PYGL: variants seen among roughly 807,000 people sequenced by gnomAD.
PYGL encodes the protein glycogen phosphorylase L.
PYGL carries 90 observed loss-of-function variants against 100.1 expected under a neutral mutation model. The observed-to-expected ratio is 0.90, with a 90% CI of 0.76 to 1.07. The LOEUF (loss-of-function observed/expected upper bound fraction) is 1.07. PYGL is among the 50% of genes least tolerant of loss of function. The probability of loss-of-function intolerance (pLI) is 0.00; values close to 1 mark genes in which losing one functional copy is unlikely to be tolerated. For synonymous variants in PYGL, 373 were observed against 393.0 expected (o/e 0.95, Z 0.60); for missense variants, 1,016 against 1,057.6 (o/e 0.96, Z 0.55).
chr14:50,919,611 A>G (rs995779983), intron 7 of PYGL, among the ~76,000 whole-genome samples: 4 of 152,174 alleles, frequency 2.6e-5, no homozygotes, highest in South Asian at 2.1e-4. Context: ...TTAGAGTTAC[A>G]TATATTTAAA....
Position 50,905,325 on chromosome 14 carries a change from C to T in PYGL, c.*67G>A. 6.7e-7 allele frequency: 1 copy of T among 1,495,312 alleles called. No homozygotes were observed. The highest frequency in any genetic ancestry group is 1.8e-4 in the Middle Eastern group (1 of 5,664). The allele number at this position is 1,495,312 out of a possible 1,614,324, so 92.6% of individuals were successfully genotyped here. A position where few individuals can be genotyped will look rare whatever the true frequency, so the allele number is the denominator to read the frequency against. ...AGATTATTAGCTAACAAAACAAAAA[C>T]CAGTGAATGTTGTAAAAATGTTCAA... On this transcript the variant is annotated 3_prime_UTR_variant, in exon 20 of 20. Coordinates refer to ENST00000216392, the MANE Select transcript of PYGL (RefSeq NM_002863.5).
intron 12 of PYGL, 111 bp from the exon 13 acceptor site, chr14:50,913,241 T>G (rs563546323): frequency 1.2e-6 from 1 of 841,330 alleles, no homozygotes; most frequent in South Asian, 1.4e-5. Context: ...AGTTCACGTA[T>G]CACACAGAAC....
Position 50,916,985 on chromosome 14 carries a change from C to G in PYGL, c.976G>C (p.Val326Leu). Residue 326 changes from valine (V) to leucine (L), a missense_variant, in exon 8 of 20, where the codon GTG (valine) becomes CTG (leucine). Transcript: ENST00000216392. ...GCCTGATCCGGGAAGGCATCAAACA[C>G]AGTTCCTGCACCACGGGTGGAGCCA... Reference protein sequence around the residue: ...KFGSTRGAGTVFDAFPDQVAI... With the variant: ...KFGSTRGAGTLFDAFPDQVAI... 1 of 1,614,252 alleles carries G rather than the reference C, an allele frequency of 6.2e-7. No homozygotes were observed. Among genetic ancestry groups the G allele is most frequent in the Non-Finnish European group, 8.5e-7 (1 of 1,180,032 alleles).
At chr14:50,936,975 T>A (rs1399964774) in intron 2 of PYGL, among the ~76,000 whole-genome samples, 1 of 152,082 alleles carries the variant, frequency 6.6e-6, no homozygotes, top group Non-Finnish European at 1.5e-5. Flanking sequence ...CTAACCCACA[T>A]GTATGTGAGT....
At chr14:50,935,240 AG>A in intron 2 of PYGL, 55 bp from the exon 3 acceptor site, 1 of 1,388,690 alleles carries the variant, frequency 7.2e-7, no homozygotes. Flanking sequence ...GGCCATTCAG[AG>A]GGACAGCCAT....
At position 50,944,386 on chromosome 14, in the gene PYGL, C is replaced by A. The variant is rs1042191; in HGVS notation, c.18G>T (p.Thr6=). 3 of 1,612,418 alleles carry A rather than the reference C, an allele frequency of 1.9e-6. No individual in the cohort carries two copies. The highest frequency in any genetic ancestry group is 2.5e-6 in the Non-Finnish European group (3 of 1,179,498). MAKPL[T]DQEKRRQISI... ...TGATCTGCCGCCGCTTCTCCTGGTC[C>A]GTCAGGGGCTTCGCCATGGCTGGGG... The change falls in exon 1 of 20, where the codon ACG becomes ACT. Residue 6 remains threonine (T), a synonymous_variant. Coordinates refer to ENST00000216392, the MANE Select transcript of PYGL (RefSeq NM_002863.5).
chr14:50,906,288 C>A (rs2050335904), intron 19 of PYGL, among the ~76,000 whole-genome samples: 1 of 152,098 alleles, frequency 6.6e-6, no homozygotes, highest in South Asian at 2.1e-4. Context: ...GTTATCAATG[C>A]ATTATAAATG....
At chr14:50,922,002 T>C (rs1000628784) in intron 5 of PYGL, among the ~76,000 whole-genome samples, 2 of 152,166 alleles carry the variant, frequency 1.3e-5, no homozygotes, top group South Asian at 4.1e-4. Context: ...GAGGTAAGCT[T>C]TGGAAAATCT....
At chr14:50,923,156 A>T (rs1338585857) in intron 5 of PYGL, 1 of 152,254 alleles carries the variant, frequency 6.6e-6, no homozygotes, top group African/African-American at 2.4e-5. Context: ...CTCTAATTGA[A>T]TTTCTGGATA....
At chr14:50,910,633 T>C (rs1015738006) in intron 16 of PYGL, among the ~76,000 whole-genome samples, 1 of 152,086 alleles carries the variant, frequency 6.6e-6, no homozygotes, top group Non-Finnish European at 1.5e-5. Flanking sequence ...TTTTTTAAAA[T>C]TTTTGTATGT....
At chr14:50,922,493 T>G (rs1214669820) in intron 5 of PYGL, among the ~76,000 whole-genome samples, 1 of 152,218 alleles carries the variant, frequency 6.6e-6, no homozygotes, top group African/African-American at 2.4e-5. Flanking sequence ...AGGCTGGGAT[T>G]GAGTCTCGGT....
intron 14 of PYGL, 21 bp from the exon 15 acceptor site, chr14:50,912,057 G>T: frequency 2.5e-6 from 4 of 1,613,494 alleles, no homozygotes; most frequent in Non-Finnish European, 3.4e-6. Context: ...TGGAGAAGTG[G>T]ATGAAATGGA....
At chr14:50,940,929 A>T (rs1383553255) in intron 1 of PYGL, among the ~76,000 whole-genome samples, 1 of 152,222 alleles carries the variant, frequency 6.6e-6, no homozygotes, top group African/African-American at 2.4e-5. Context: ...TTGAGCATAG[A>T]AATGTGGTAG....
chr14:50,923,225 A>C (rs1451831173), intron 5 of PYGL: 2 of 152,228 alleles, frequency 1.3e-5, no homozygotes, highest in Non-Finnish European at 2.9e-5. Flanking sequence ...AGTGGGACCC[A>C]CAGTGTAAAT....
chr14:50,927,826 TA>T (rs2050566324), intron 4 of PYGL, among the ~76,000 whole-genome samples: 1 of 152,226 alleles, frequency 6.6e-6, no homozygotes, highest in South Asian at 2.1e-4. Flanking sequence ...CTGCCTCCAC[TA>T]AATCTACAGA....
At chr14:50,926,300 G>A (rs1356328476) in intron 4 of PYGL, among the ~76,000 whole-genome samples, 1 of 152,066 alleles carries the variant, frequency 6.6e-6, no homozygotes, top group African/African-American at 2.4e-5. Flanking sequence ...ACAGTGAGCT[G>A]TGATCATGCC....
chr14:50,942,038 C>G (rs533954683), intron 1 of PYGL, among the ~76,000 whole-genome samples: 1 of 152,126 alleles, frequency 6.6e-6, no homozygotes, highest in East Asian at 1.9e-4. Flanking sequence ...GACTAGGGAT[C>G]CATATTTGGG....
rs548723176 is a variant in PYGL, at chr14:50,911,473, T to A, written c.1969+257A>T. Among the ~76,000 whole-genome samples, 3 of 152,258 alleles carry A rather than the reference T, an allele frequency of 2.0e-5. No homozygotes were observed. The South Asian group carries it at 6.2e-4, about 32-fold the overall frequency. On this transcript the variant is annotated intron_variant, in intron 16 of 19. Coordinates refer to ENST00000216392, the MANE Select transcript of PYGL (RefSeq NM_002863.5). ...ATGATGCTGAAACCCCAGGGCTGCC[T>A]CCCCCAGCACATAGCTCTCACTGGC...
chr14:50,918,485 C>A (rs1229120760), intron 7 of PYGL, among the ~76,000 whole-genome samples: 1 of 152,180 alleles, frequency 6.6e-6, no homozygotes, highest in African/African-American at 2.4e-5. Flanking sequence ...CCATGGAATA[C>A]TACTCAGACA....
Sources: gnomAD v4.1 joint callset for allele counts (sites outside exome capture counted in the v4.1 genomes callset) on GRCh38, gnomAD v4.1.1 for gene constraint, MANE v1.5 for transcripts, NCBI Gene and HGNC (gene_info 2026-07-23, HGNC 2026-07-21) for gene names.